Variants in OR5K2 observed in about 807,000 individuals in gnomAD.
OR5K2 encodes olfactory receptor 5K2.
For synonymous variants in OR5K2, 124 were observed against 133.2 expected, an observed-to-expected ratio of 0.93 and a Z score of 0.48; for missense variants, 402 against 369.8, an observed-to-expected ratio of 1.09 and a Z score of -0.71.
At position 98,498,292 on chromosome 3, in the gene OR5K2, T is replaced by C. The variant is rs1705727218; in HGVS notation, c.612T>C (p.Gly204=). The stretch of plus-strand genomic sequence containing the variant: ...AACTGGTTCTATTCATCTTCTCAGG[T>C]TCAGTTCAAGTCTTTACCATAGGTA... ...INELVLFIFS[G]SVQVFTIGSV... Residue 204 remains glycine, a synonymous_variant, in exon 1 of 1, where the codon GGT becomes GGC. Transcript: ENST00000427338. 1 of 1,613,854 alleles carries C rather than the reference T, an allele frequency of 6.2e-7. No individual in the cohort carries two copies.
chr3:98,498,325 A>T lies in OR5K2; in HGVS notation c.645A>T (p.Leu215Phe), dbSNP rs770199727. Residue 215 changes from leucine to phenylalanine, a missense_variant, in exon 1 of 1, where the codon TTA (leucine) becomes TTT (phenylalanine). By Grantham distance (22) the Leu-to-Phe change is conservative. Transcript: ENST00000427338. ...AAGTCTTTACCATAGGTAGTGTCTT[A>T]ATATCTTATCTCTATATTCTTCTTA... ...SVQVFTIGSVLISYLYILLTI... is the reference protein window; with the variant it reads ...SVQVFTIGSVFISYLYILLTI... 9 of 1,613,754 alleles carry T rather than the reference A, an allele frequency of 5.6e-6. No individual in the cohort carries two copies. The highest frequency in any genetic ancestry group is 7.6e-6 in the Non-Finnish European group (9 of 1,179,898).
At position 98,497,793 on chromosome 3, in the gene OR5K2, C is replaced by T. The variant is rs1288270178; in HGVS notation, c.113C>T (p.Thr38Ile). 1 of 1,613,906 alleles carries T rather than the reference C, an allele frequency of 6.2e-7. No homozygotes were observed. The highest frequency in any genetic ancestry group is 8.5e-7 in the Non-Finnish European group (1 of 1,179,976). The change falls in exon 1 of 1, where the codon ACC (threonine) becomes ATC (isoleucine). Residue 38 changes from threonine to isoleucine, a missense_variant. By Grantham distance (89) the Thr-to-Ile change is moderately conservative. Coordinates refer to ENST00000427338, the MANE Select transcript of OR5K2 (RefSeq NM_001004737.1). ...FVVFFAIYLI[T>I]VVGNISLVAL... ...GTGTTCTTTGCCATCTATCTGATCA[C>T]CGTGGTGGGGAATATTAGTTTGGTG...
At position 98,498,034 on chromosome 3, in the gene OR5K2, G is replaced by A. The variant is rs1705723617; in HGVS notation, c.354G>A (p.Val118=). The A allele has an allele frequency of 1.2e-6, 2 of 1,613,998 alleles. No homozygotes were observed. Among genetic ancestry groups the A allele is most frequent in the Middle Eastern group, 1.6e-4 (1 of 6,062 alleles). The stretch of plus-strand genomic sequence containing the variant: ...CAGACTGCTTTCTTCTGGCAGCAGT[G>A]GCCTATGACCGCTATGTGGCCATCT... ...ETADCFLLAA[V]AYDRYVAICN... The change falls in exon 1 of 1, where the codon GTG becomes GTA. Residue 118 remains valine, a synonymous_variant. Coordinates refer to ENST00000427338, the MANE Select transcript of OR5K2 (RefSeq NM_001004737.1).
In OR5K2 at chr3:98,498,243, C is replaced by G; in HGVS notation, c.563C>G (p.Ser188Cys). 6.2e-7 allele frequency: 1 copy of G among 1,614,094 alleles called. No homozygotes were observed. The change falls in exon 1 of 1, where the codon TCC (serine) becomes TGC (cysteine). Residue 188 changes from serine (S) to cysteine (C), a missense_variant. Ser to Cys is a moderately radical substitution (Grantham distance 112). Transcript: ENST00000427338. ...GATACTCTTCCCTTGTATAGACTCT[C>G]CTGTGTTGACCCTTTCATCAATGAA... The part of the protein sequence containing the change: ...YCDTLPLYRL[S>C]CVDPFINELV...
Position 98,497,989 on chromosome 3 carries a change from T to G in OR5K2, c.309T>G (p.Phe103Leu). Reference sequence around the variant, plus strand: ...ATGAATGTGCAGTACAGTTTTATTTTCTTTGCACTGTGGAAACTGCAGACT... The same window carrying G: ...ATGAATGTGCAGTACAGTTTTATTTGCTTTGCACTGTGGAAACTGCAGACT... ...SLYECAVQFY[F>L]LCTVETADCF... The change falls in exon 1 of 1, where the codon TTT becomes TTG. Residue 103 changes from phenylalanine (F) to leucine (L), a missense_variant. By Grantham distance (22) the Phe-to-Leu change is conservative (BLOSUM62 0). Transcript: ENST00000427338. 6.2e-7 allele frequency: 1 copy of G among 1,614,084 alleles called. No homozygotes were observed. The highest frequency in any genetic ancestry group is 8.5e-7 in the Non-Finnish European group (1 of 1,179,990).
In OR5K2 at chr3:98,497,720, C is replaced by T. The variant is rs142619879; in HGVS notation, c.40C>T (p.Leu14Phe). 19 of 1,613,460 alleles carry T rather than the reference C, an allele frequency of 1.2e-5. No homozygotes were observed. The highest frequency in any genetic ancestry group is 1.5e-5 in the Non-Finnish European group (18 of 1,179,680). ...ENHTMKNEFI[L>F]TGFTDHPELK... ...TCATACCATGAAAAATGAGTTTATC[C>T]TCACAGGATTTACAGATCACCCTGA... The change falls in exon 1 of 1, where the codon CTC becomes TTC. Residue 14 changes from leucine (L) to phenylalanine (F), a missense_variant. By Grantham distance (22) the Leu-to-Phe change is conservative. Coordinates refer to ENST00000427338, the MANE Select transcript of OR5K2 (RefSeq NM_001004737.1).
In OR5K2 at chr3:98,498,549, A is replaced by G. The variant is rs1705731748; in HGVS notation, c.869A>G (p.Tyr290Cys). The change falls in exon 1 of 1, where the codon TAT becomes TGT. Residue 290 changes from tyrosine to cysteine, a missense_variant. Coordinates refer to ENST00000427338, the MANE Select transcript of OR5K2 (RefSeq NM_001004737.1). Reference protein sequence around the residue: ...IVVPLLNPFIYSLRNKEVISV... With the variant: ...IVVPLLNPFICSLRNKEVISV... ...GTTCCCTTACTAAATCCTTTCATTTATAGTCTGAGAAACAAGGAAGTAATA... is the reference window on the plus strand; with the variant it reads ...GTTCCCTTACTAAATCCTTTCATTTGTAGTCTGAGAAACAAGGAAGTAATA... 6.2e-7 allele frequency: 1 copy of G among 1,606,214 alleles called. No individual in the cohort carries two copies. The highest frequency in any genetic ancestry group is 8.5e-7 in the Non-Finnish European group (1 of 1,174,530).
At position 98,498,221 on chromosome 3, in the gene OR5K2, A is replaced by G. The variant is rs1266270319; in HGVS notation, c.541A>G (p.Thr181Ala). The change falls in exon 1 of 1, where the codon ACT (threonine) becomes GCT (alanine). Residue 181 changes from threonine to alanine, a missense_variant. Transcript: ENST00000427338. ...LNHINHFYCD[T>A]LPLYRLSCVD... ...TCACATCAACCACTTTTACTGTGAT[A>G]CTCTTCCCTTGTATAGACTCTCCTG... 1.9e-6 allele frequency: 3 copies of G among 1,613,762 alleles called. No homozygotes were observed. The highest frequency in any genetic ancestry group is 2.5e-6 in the Non-Finnish European group (3 of 1,179,932).
rs371294627 is a variant in OR5K2 at position 98,498,215 on chromosome 3, T to C, written c.535T>C (p.Cys179Arg). The change falls in exon 1 of 1, where the codon TGT becomes CGT. Residue 179 changes from cysteine (C) to arginine (R), a missense_variant. By Grantham distance (180) the Cys-to-Arg change is radical (BLOSUM62 -3). Coordinates refer to ENST00000427338, the MANE Select transcript of OR5K2 (RefSeq NM_001004737.1). ...CGLNHINHFYCDTLPLYRLSC... is the reference protein window; with the variant it reads ...CGLNHINHFYRDTLPLYRLSC... The stretch of plus-strand genomic sequence containing the variant: ...ATTGAATCACATCAACCACTTTTAC[T>C]GTGATACTCTTCCCTTGTATAGACT... The C allele has an allele frequency of 5.6e-6, 9 of 1,614,010 alleles. No individual in the cohort carries two copies. In the African/African-American group the frequency reaches 1.2e-4, roughly 22 times the overall value.
rs769558389 is a variant in OR5K2 at position 98,498,122 on chromosome 3, G to A, written c.442G>A (p.Ala148Thr). The stretch of plus-strand genomic sequence containing the variant: ...ACTCTGCATTCAGATGACCACAGGC[G>A]CCTTCATAGCTGGAAATCTGCATTC... ...KKLCIQMTTG[A>T]FIAGNLHSMI... The change falls in exon 1 of 1, where the codon GCC becomes ACC. Residue 148 changes from alanine to threonine, a missense_variant. Transcript: ENST00000427338. The A allele has an allele frequency of 4.4e-5, 71 of 1,614,034 alleles. No individual in the cohort carries two copies. Among genetic ancestry groups the A allele is most frequent in the East Asian group, 6.7e-5 (3 of 44,880 alleles).
chr3:98,498,237 G>A lies in OR5K2; in HGVS notation c.557G>A (p.Arg186Lys), dbSNP rs1324839765. Reference sequence around the variant, plus strand: ...TACTGTGATACTCTTCCCTTGTATAGACTCTCCTGTGTTGACCCTTTCATC... The same window carrying A: ...TACTGTGATACTCTTCCCTTGTATAAACTCTCCTGTGTTGACCCTTTCATC... The part of the protein sequence containing the change: ...HFYCDTLPLY[R>K]LSCVDPFINE... Residue 186 changes from arginine to lysine, a missense_variant, in exon 1 of 1, where the codon AGA becomes AAA. Transcript: ENST00000427338. The A allele has an allele frequency of 6.2e-6, 10 of 1,613,942 alleles. No homozygotes were observed. The East Asian group carries it at 2.2e-4, about 36-fold the overall frequency.
In OR5K2 at chr3:98,497,874, A is replaced by G; in HGVS notation, c.194A>G (p.Asn65Ser). Reference sequence around the variant, plus strand: ...ACACCAATGTACATCTTTCTGGGAAATCTGGCTCTTGTGGATTCTTGCTGT... The same window carrying G: ...ACACCAATGTACATCTTTCTGGGAAGTCTGGCTCTTGTGGATTCTTGCTGT... ...LHTPMYIFLG[N>S]LALVDSCCAC... Residue 65 changes from asparagine to serine, a missense_variant, in exon 1 of 1, where the codon AAT becomes AGT. By Grantham distance (46) the Asn-to-Ser change is conservative. Transcript: ENST00000427338. 1 of 1,614,114 alleles carries G rather than the reference A, an allele frequency of 6.2e-7. No homozygotes were observed. The highest frequency in any genetic ancestry group is 8.5e-7 in the Non-Finnish European group (1 of 1,179,990).
rs370921810 is a variant in OR5K2, at chr3:98,498,364, G to C, written c.684G>C (p.Met228Ile). The C allele has an allele frequency of 1.2e-5, 19 of 1,613,606 alleles. No homozygotes were observed. The highest frequency in any genetic ancestry group is 1.4e-5 in the Non-Finnish European group (16 of 1,179,796). The change falls in exon 1 of 1, where the codon ATG becomes ATC. Residue 228 changes from methionine (M) to isoleucine (I), a missense_variant. Physicochemically the swap from Met to Ile is conservative, Grantham distance 10. Coordinates refer to ENST00000427338, the MANE Select transcript of OR5K2 (RefSeq NM_001004737.1). ...ATATTCTTCTTACTATTTTCAGAAT[G>C]AAATCCAAGGAGGGAAGGGCCAAAG... ...YLYILLTIFR[M>I]KSKEGRAKAF...
In OR5K2 at chr3:98,498,444, T is replaced by A. The variant is rs996965524; in HGVS notation, c.764T>A (p.Ile255Asn). ...TCAGTTTCATTATTCTATGGATCTA[T>A]TTTTTTCCTATACATTAGACCAAAT... ...FSSVSLFYGS[I>N]FFLYIRPNLL... Residue 255 changes from isoleucine to asparagine, a missense_variant, in exon 1 of 1, where the codon ATT (isoleucine) becomes AAT (asparagine). By Grantham distance (149) the Ile-to-Asn change is moderately radical. Transcript: ENST00000427338. 16 of 1,613,004 alleles carry A rather than the reference T, an allele frequency of 9.9e-6. No homozygotes were observed. The highest frequency in any genetic ancestry group is 1.2e-5 in the Non-Finnish European group (14 of 1,179,272).
In OR5K2 at chr3:98,498,443, A is replaced by T. The variant is rs1553686734; in HGVS notation, c.763A>T (p.Ile255Phe). Residue 255 changes from isoleucine (I) to phenylalanine (F), a missense_variant, in exon 1 of 1, where the codon ATT becomes TTT. Physicochemically the swap from Ile to Phe is conservative, Grantham distance 21. Coordinates refer to ENST00000427338, the MANE Select transcript of OR5K2 (RefSeq NM_001004737.1). ...FSSVSLFYGSIFFLYIRPNLL... is the reference protein window; with the variant it reads ...FSSVSLFYGSFFFLYIRPNLL... The stretch of plus-strand genomic sequence containing the variant: ...ATCAGTTTCATTATTCTATGGATCT[A>T]TTTTTTTCCTATACATTAGACCAAA... 5 of 1,613,458 alleles carry T rather than the reference A, an allele frequency of 3.1e-6. No homozygotes were observed. In the South Asian group the frequency reaches 5.5e-5, roughly 18 times the overall value.
At position 98,498,291 on chromosome 3, in the gene OR5K2, G is replaced by T; in HGVS notation, c.611G>T (p.Gly204Val). The change falls in exon 1 of 1, where the codon GGT becomes GTT. Residue 204 changes from glycine to valine, a missense_variant. Coordinates refer to ENST00000427338, the MANE Select transcript of OR5K2 (RefSeq NM_001004737.1). ...GAACTGGTTCTATTCATCTTCTCAG[G>T]TTCAGTTCAAGTCTTTACCATAGGT... ...INELVLFIFS[G>V]SVQVFTIGSV... 6.2e-7 allele frequency: 1 copy of T among 1,613,794 alleles called. No individual in the cohort carries two copies. The highest frequency in any genetic ancestry group is 8.5e-7 in the Non-Finnish European group (1 of 1,179,892).
chr3:98,498,041 G>A lies in OR5K2; in HGVS notation c.361G>A (p.Asp121Asn), dbSNP rs866235580. The change falls in exon 1 of 1, where the codon GAC becomes AAC. Residue 121 changes from aspartate to asparagine, a missense_variant. Transcript: ENST00000427338. ...DCFLLAAVAY[D>N]RYVAICNPLQ... is the part of the protein sequence containing the mutation. ...CTTTCTTCTGGCAGCAGTGGCCTATGACCGCTATGTGGCCATCTGCAACCC... is the reference window on the plus strand; with the variant it reads ...CTTTCTTCTGGCAGCAGTGGCCTATAACCGCTATGTGGCCATCTGCAACCC... 11 of 1,614,064 alleles carry A rather than the reference G, an allele frequency of 6.8e-6. 1 individual carries two copies. In the Middle Eastern group the frequency reaches 1.5e-3, roughly 218 times the overall value.
Position 98,498,455 on chromosome 3 carries a change from T to C in OR5K2, c.775T>C (p.Tyr259His), listed in dbSNP as rs115105137. Residue 259 changes from tyrosine to histidine, a missense_variant, in exon 1 of 1, where the codon TAC becomes CAC. By Grantham distance (83) the Tyr-to-His change is moderately conservative (BLOSUM62 2). Transcript: ENST00000427338. ...ATTCTATGGATCTATTTTTTTCCTA[T>C]ACATTAGACCAAATTTGCTTGAAGA... ...SLFYGSIFFLYIRPNLLEEGG... is the reference protein window; with the variant it reads ...SLFYGSIFFLHIRPNLLEEGG... The C allele has an allele frequency of 1.2e-5, 19 of 1,613,494 alleles. No individual in the cohort carries two copies. The Admixed American group carries it at 1.5e-4, about 13-fold the overall frequency.
In OR5K2 at chr3:98,498,052, GGCC is replaced by G. The variant is rs781155249; in HGVS notation, c.373_375del (p.Ala125del). On this transcript the variant is annotated inframe_deletion, in exon 1 of 1. Transcript: ENST00000427338. Reference sequence around the variant, plus strand: ...CAGCAGTGGCCTATGACCGCTATGTGGCCATCTGCAACCCACTGCAGTACCACA... The same window carrying G: ...CAGCAGTGGCCTATGACCGCTATGTGATCTGCAACCCACTGCAGTACCACA... The G allele has an allele frequency of 2.5e-6, 4 of 1,613,886 alleles. No homozygotes were observed. The African/African-American group carries it at 5.3e-5, about 22-fold the overall frequency.
Sources: allele counts gnomAD v4.1 joint callset, GRCh38; gene constraint gnomAD v4.1.1; transcripts MANE v1.5; gene names NCBI Gene and HGNC (gene_info 2026-07-23, HGNC 2026-07-21).